MAML2: variants seen among roughly 807,000 people sequenced by gnomAD.
MAML2 encodes mastermind like transcriptional coactivator 2, also known as mastermind-like protein 2.
MAML2 carries 22 observed loss-of-function variants against 96.1 expected under a neutral mutation model. That is an observed-to-expected ratio of 0.23 (90% CI 0.16 to 0.33). The LOEUF (loss-of-function observed/expected upper bound fraction) is 0.33, where lower values mean the gene tolerates loss of function less well. MAML2 is among the 10% of genes least tolerant of loss of function. MAML2 has a pLI of 1.00. For missense variants in MAML2, 1,367 were observed against 1,392.4 expected, an observed-to-expected ratio of 0.98 and a Z score of 0.29; for synonymous variants, 561 against 521.3, an observed-to-expected ratio of 1.08 and a Z score of -1.04.
At chr11:96,166,499 T>C (rs570346690) in intron 1 of MAML2, among the ~76,000 whole-genome samples, 6 of 152,314 alleles carry the variant, frequency 3.9e-5, no homozygotes, top group African/African-American at 1.2e-4. Flanking sequence ...CAGTGGAAGT[T>C]AGAAGAAAGA....
At chr11:96,331,995 G>A (rs1863860796) in intron 1 of MAML2, among the ~76,000 whole-genome samples, 1 of 152,196 alleles carries the variant, frequency 6.6e-6, no homozygotes, top group Admixed American at 6.6e-5. Flanking sequence ...CTAGAAATGA[G>A]ATGGCTTCTG....
At chr11:96,121,042 A>G (rs1860331348) in intron 1 of MAML2, among the ~76,000 whole-genome samples, 1 of 151,062 alleles carries the variant, frequency 6.6e-6, no homozygotes, top group South Asian at 2.1e-4. Flanking sequence ...AGCCAGATTC[A>G]TAACTAACGA....
At chr11:96,057,126 CTTTT>C (rs950049759) in intron 2 of MAML2, among the ~76,000 whole-genome samples, 3 of 152,120 alleles carry the variant, frequency 2.0e-5, no homozygotes, top group Admixed American at 2.0e-4. Flanking sequence ...TTGGGGTTTT[CTTTT>C]TTGTTTATGA....
chr11:96,094,251 A>G (rs1859787586), intron 1 of MAML2, among the ~76,000 whole-genome samples: 1 of 152,230 alleles, frequency 6.6e-6, no homozygotes, highest in Non-Finnish European at 1.5e-5. Flanking sequence ...AAATCTCGTT[A>G]CCAAAACGAA....
intron 1 of MAML2, among the ~76,000 whole-genome samples, chr11:96,149,849 T>C (rs926915701): frequency 2.0e-5 from 3 of 152,180 alleles, no homozygotes; most frequent in Non-Finnish European, 4.4e-5. Flanking sequence ...TTCTCTCTTC[T>C]AAATTTCTCT....
chr11:95,982,367 A>G (rs1259658997), intron 4 of MAML2, among the ~76,000 whole-genome samples: 1 of 150,604 alleles, frequency 6.6e-6, no homozygotes, highest in African/African-American at 2.4e-5. Flanking sequence ...CTCAGCTGAA[A>G]AACCACATTC....
At position 96,092,532 on chromosome 11, in the gene MAML2, A is replaced by C. The variant is rs1258355354; in HGVS notation, c.1499T>G (p.Val500Gly). Residue 500 changes from valine to glycine, a missense_variant, in exon 2 of 5, where the codon GTA becomes GGA. Val to Gly is a moderately radical substitution (Grantham distance 109). Transcript: ENST00000524717. This position sits in a 1 kb window ranked among gnomAD's most constrained non-coding sequence, Gnocchi z 4.1. ...FSPQSSPMPG[V>G]AGGSGQSKVM... ...TTTCGACTGGCCGCTGCCGCCAGCTACCCCAGGCATGGGGGAGCTCTGTGG... is the reference window on the plus strand; with the variant it reads ...TTTCGACTGGCCGCTGCCGCCAGCTCCCCCAGGCATGGGGGAGCTCTGTGG... 2 of 1,596,948 alleles carry C rather than the reference A, an allele frequency of 1.3e-6. No individual in the cohort carries two copies. The highest frequency in any genetic ancestry group is 2.7e-5 in the African/African-American group (2 of 74,452).
chr11:96,312,955 C>T (rs2136005522), intron 1 of MAML2, among the ~76,000 whole-genome samples: 1 of 152,322 alleles, frequency 6.6e-6, no homozygotes, highest in South Asian at 2.1e-4. Context: ...AATATGTTCT[C>T]TTTCATTGGG....
intron 1 of MAML2, among the ~76,000 whole-genome samples, chr11:96,314,719 T>A (rs1486223089): frequency 6.6e-6 from 1 of 152,218 alleles, no homozygotes; most frequent in Non-Finnish European, 1.5e-5. Context: ...GTTCCATTAT[T>A]CTGTCTAGAA....
chr11:96,054,473 G>T (rs1859032358), intron 2 of MAML2, among the ~76,000 whole-genome samples: 1 of 152,188 alleles, frequency 6.6e-6, no homozygotes, highest in African/African-American at 2.4e-5. Flanking sequence ...TCTAAGGGAG[G>T]TTGGACAGTT....
intron 2 of MAML2, among the ~76,000 whole-genome samples, chr11:96,015,584 A>AGGGGG (rs796502726): frequency 7.2e-5 from 4 of 55,282 alleles, no homozygotes; most frequent in Non-Finnish European, 1.1e-4. Flanking sequence ...AAAAAAAAAA[A>AGGGGG]GGGGGGGGGG....
intron 1 of MAML2, among the ~76,000 whole-genome samples, chr11:96,257,002 G>A (rs1237062445): frequency 6.6e-6 from 1 of 152,144 alleles, no homozygotes; most frequent in Non-Finnish European, 1.5e-5. Context: ...TGGCAAGACA[G>A]GAACTATATT....
chr11:96,192,644 G>A (rs1419622535), intron 1 of MAML2, among the ~76,000 whole-genome samples: 1 of 152,220 alleles, frequency 6.6e-6, no homozygotes, highest in East Asian at 1.9e-4. Flanking sequence ...AGATCAGGAA[G>A]AAATTTGTCT....
chr11:96,341,932 G>A lies in MAML2; in HGVS notation c.-37C>T. 6.8e-7 allele frequency: 1 copy of A among 1,471,216 alleles called. No homozygotes were observed. Among genetic ancestry groups the A allele is most frequent in the Non-Finnish European group, 9.0e-7 (1 of 1,117,184 alleles). 91.1% of individuals were successfully genotyped at this position (1,471,216 alleles called of 1,614,324 possible). A position where few individuals can be genotyped will look rare whatever the true frequency, so the allele number is the denominator to read the frequency against. On this transcript the variant is annotated 5_prime_UTR_variant, in exon 1 of 5. Coordinates refer to ENST00000524717, the MANE Select transcript of MAML2 (RefSeq NM_032427.4). ...CAATGATTGCTGCCTCTGGGATGGTGAGGTGGAAAGAGGCTACTGCTGGCT... is the reference window on the plus strand; with the variant it reads ...CAATGATTGCTGCCTCTGGGATGGTAAGGTGGAAAGAGGCTACTGCTGGCT...
Position 95,979,616 on chromosome 11 carries a change from G to A in MAML2, c.2803C>T (p.Gln935Ter). The change falls in exon 5 of 5, where the codon CAA becomes TAA. Residue 935 changes from glutamine to a stop codon, truncating the protein, a stop_gained. Transcript: ENST00000524717. LOFTEE classifies it low-confidence loss of function (END_TRUNC). Reference protein sequence around the residue: ...FGAGSVGNSQQLRPNLTHSMA... With the variant: ...FGAGSVGNSQ The stretch of plus-strand genomic sequence containing the variant: ...CTATGGGTTAAATTTGGTCTCAATT[G>A]TTGTGAATTACCAACAGATCCAGCT... The A allele has an allele frequency of 6.2e-7, 1 of 1,613,970 alleles. No homozygotes were observed. Among genetic ancestry groups the A allele is most frequent in the Non-Finnish European group, 8.5e-7 (1 of 1,179,886 alleles).
intron 1 of MAML2, among the ~76,000 whole-genome samples, chr11:96,245,760 A>T (rs921115141): frequency 1.6e-4 from 23 of 147,752 alleles, no homozygotes; most frequent in African/African-American, 5.8e-4. Flanking sequence ...GCTGGAGTGC[A>T]GCGGTGCGAT....
At chr11:96,078,508 C>A (rs528045227) in intron 2 of MAML2, among the ~76,000 whole-genome samples, 7 of 152,324 alleles carry the variant, frequency 4.6e-5, no homozygotes, top group Non-Finnish European at 7.4e-5. Flanking sequence ...CACTCAAAAT[C>A]AGAGACGGTT....
chr11:96,003,579 G>T (rs1482963205), intron 2 of MAML2, among the ~76,000 whole-genome samples: 1 of 152,104 alleles, frequency 6.6e-6, no homozygotes, highest in Non-Finnish European at 1.5e-5. Flanking sequence ...TGAAAGGTGG[G>T]TTCTGGGATC....
At chr11:96,241,122 G>C (rs1565259651) in intron 1 of MAML2, among the ~76,000 whole-genome samples, 1 of 152,200 alleles carries the variant, frequency 6.6e-6, no homozygotes, top group Non-Finnish European at 1.5e-5. Context: ...TTGTGAGGTA[G>C]AGTTTTTATT....
Sources: gnomAD v4.1 joint callset for allele counts (sites outside exome capture counted in the v4.1 genomes callset) on GRCh38, gnomAD v4.1.1 for gene constraint, Gnocchi (gnomAD v3.1) non-coding constraint, MANE v1.5 for transcripts, NCBI Gene and HGNC (gene_info 2026-07-23, HGNC 2026-07-21) for gene names.